TBC1D9: variants seen among roughly 807,000 people sequenced by gnomAD.
TBC1D9 encodes the protein TBC1 domain family member 9A.
Under a neutral mutation model 132.0 loss-of-function variants are expected in TBC1D9, and 63 were observed. The ratio of observed to expected loss-of-function variants is 0.48; its 90% CI spans 0.39 to 0.59. The LOEUF (loss-of-function observed/expected upper bound fraction) is 0.59, where lower values mean the gene tolerates loss of function less well. TBC1D9 is among the 20% of genes least tolerant of loss of function. The pLI is 0.00. For missense variants in TBC1D9, 1,261 were observed against 1,592.7 expected (o/e 0.79, Z 3.54); for synonymous variants, 610 against 609.9 (o/e 1.00, Z 0.00).
At chr4:140,653,174 C>T (rs563676174) in intron 13 of TBC1D9, among the ~76,000 whole-genome samples, 7 of 152,276 alleles carry the variant, frequency 4.6e-5, no homozygotes, top group Admixed American at 6.5e-5. Flanking sequence ...GTGAGATTTT[C>T]CCCAGGAGGT....
chr4:140,622,960 A>T (rs746348046), intron 20 of TBC1D9, 43 bp from the exon 21 acceptor site: 2 of 1,468,820 alleles, frequency 1.4e-6, no homozygotes, highest in Non-Finnish European at 9.0e-7. Context: ...ATCTTGGGGG[A>T]GCAGAAAGGC....
chr4:140,712,840 C>T (rs542547181), intron 1 of TBC1D9, among the ~76,000 whole-genome samples: 22 of 151,854 alleles, frequency 1.4e-4, no homozygotes, highest in Admixed American at 3.3e-4. Context: ...TGATTGTTTC[C>T]GGAACAAACT....
intron 1 of TBC1D9, among the ~76,000 whole-genome samples, chr4:140,752,489 T>C (rs1738941590): frequency 6.6e-6 from 1 of 152,158 alleles, no homozygotes; most frequent in South Asian, 2.1e-4. Context: ...GTGACAATGA[T>C]TGGCTGAGAA....
At chr4:140,681,353 A>G (rs1045596945) in intron 3 of TBC1D9, among the ~76,000 whole-genome samples, 1 of 152,136 alleles carries the variant, frequency 6.6e-6, no homozygotes, top group Non-Finnish European at 1.5e-5. Flanking sequence ...TTCTCTCTGC[A>G]TTATGTATTG....
chr4:140,664,807 C>T (rs1365669836), intron 9 of TBC1D9, among the ~76,000 whole-genome samples: 1 of 151,972 alleles, frequency 6.6e-6, no homozygotes, highest in Non-Finnish European at 1.5e-5. Context: ...CATCTCACAC[C>T]ACATAAAAAA....
intron 13 of TBC1D9, chr4:140,642,220 T>G: frequency 1.4e-6 from 1 of 732,796 alleles, no homozygotes; most frequent in Non-Finnish European, 2.5e-6. Context: ...CCACTCTCCT[T>G]CAGGAATTCT....
chr4:140,669,173 C>G (rs1397019055), intron 8 of TBC1D9, 106 bp from the exon 9 acceptor site: 3 of 1,149,426 alleles, frequency 2.6e-6, no homozygotes, highest in Non-Finnish European at 3.7e-6. Context: ...AGTGACAATT[C>G]CAGAAAGAAG....
At chr4:140,686,238 T>C (rs1737777218) in intron 3 of TBC1D9, 106 bp downstream of exon 3, 1 of 669,794 alleles carries the variant, frequency 1.5e-6, no homozygotes, top group East Asian at 2.8e-5. Flanking sequence ...ACAGGTGAAT[T>C]TGGGCAAAGG....
At chr4:140,664,039 C>CAAA (rs1560877849) in intron 9 of TBC1D9, among the ~76,000 whole-genome samples, 5 of 81,234 alleles carry the variant, frequency 6.2e-5, no homozygotes, top group Admixed American at 2.4e-4. Flanking sequence ...ACTCTCCCCA[C>CAAA]CAAAAAAAAA....
intron 10 of TBC1D9, among the ~76,000 whole-genome samples, chr4:140,660,953 C>T (rs942145791): frequency 1.3e-5 from 2 of 151,658 alleles, no homozygotes; most frequent in South Asian, 2.1e-4. Context: ...CTTGCTCTGT[C>T]GCCCAGGCTG....
chr4:140,641,090 C>CAAAAAAAAAAAAAAAAAAAAAA lies in TBC1D9; in HGVS notation c.2338-1663_2338-1662insTTTTTTTTTTTTTTTTTTTTTT, dbSNP rs35813378. Reference sequence around the variant, plus strand: ...TAAATCTTACAATCATAATACTAAGCAAAAAAAAAAAAAACAAAAAAAAAC... The same window carrying CAAAAAAAAAAAAAAAAAAAAAA: ...TAAATCTTACAATCATAATACTAAGCAAAAAAAAAAAAAAAAAAAAAAAAAAAAAAAAAAAACAAAAAAAAAC... On this transcript the variant is annotated intron_variant, in intron 13 of 20. Coordinates refer to ENST00000442267, the MANE Select transcript of TBC1D9 (RefSeq NM_015130.3). Among the ~76,000 whole-genome samples, 45 of 35,032 alleles carry CAAAAAAAAAAAAAAAAAAAAAA rather than the reference C, an allele frequency of 1.3e-3. 2 individuals are homozygous for CAAAAAAAAAAAAAAAAAAAAAA. The highest frequency in any genetic ancestry group is 1.6e-3 in the African/African-American group (12 of 7,630). The allele number at this position is 35,032 out of a possible 152,430, so 23.0% of individuals were successfully genotyped here.
intron 2 of TBC1D9, among the ~76,000 whole-genome samples, chr4:140,694,588 A>C (rs1396380651): frequency 6.7e-6 from 1 of 150,316 alleles, no homozygotes; most frequent in Admixed American, 6.6e-5. Flanking sequence ...AAAAAAAAAG[A>C]AAAAAGAAAA....
intron 13 of TBC1D9, chr4:140,642,826 G>T: frequency 6.7e-6 from 4 of 595,346 alleles, no homozygotes; most frequent in Non-Finnish European, 8.9e-6. Flanking sequence ...TCTTGCGGGC[G>T]GGCGACAGGG....
chr4:140,693,419 C>T (rs1737906344), intron 2 of TBC1D9, among the ~76,000 whole-genome samples: 2 of 152,218 alleles, frequency 1.3e-5, no homozygotes, highest in Admixed American at 6.5e-5. Flanking sequence ...CGAGAAAGTA[C>T]ACCTGGTTTC....
intron 1 of TBC1D9, among the ~76,000 whole-genome samples, chr4:140,736,353 C>T: frequency 6.6e-6 from 1 of 151,904 alleles, no homozygotes; most frequent in East Asian, 1.9e-4. Context: ...CCAGCCTGGC[C>T]AACATGGTGA....
At chr4:140,715,091 T>G (rs1738313282) in intron 1 of TBC1D9, among the ~76,000 whole-genome samples, 1 of 152,106 alleles carries the variant, frequency 6.6e-6, no homozygotes. Context: ...ACCACTGCAC[T>G]CCAACCTGGG....
At chr4:140,643,034 G>A in intron 13 of TBC1D9, 2 of 1,021,810 alleles carry the variant, frequency 2.0e-6, no homozygotes, top group East Asian at 5.2e-5. Context: ...AGGACTTCAT[G>A]GGGTACATCC....
At chr4:140,748,938 C>T (rs376717406) in intron 1 of TBC1D9, among the ~76,000 whole-genome samples, 1 of 152,118 alleles carries the variant, frequency 6.6e-6, no homozygotes, top group East Asian at 1.9e-4. Flanking sequence ...ACTGCATGTC[C>T]TTGGGTTGAA....
chr4:140,689,753 C>CT lies in TBC1D9; in HGVS notation c.242-3292dup, dbSNP rs796339181. ...CCCTTCCCTTCCCTTCCTCCCACCC[C>CT]TTTTTTTTTTTTGAGACAGAGTCAC... is the stretch of plus-strand genomic sequence containing the variant. On this transcript the variant is annotated intron_variant, in intron 2 of 20. Coordinates refer to ENST00000442267, the MANE Select transcript of TBC1D9 (RefSeq NM_015130.3). 6.6e-3 allele frequency among the ~76,000 whole-genome samples: 740 copies of CT among 111,828 alleles called. 26 individuals carry two copies. Among genetic ancestry groups the CT allele is most frequent in the African/African-American group, 0.024 (680 of 28,072 alleles). 73.4% of individuals were successfully genotyped at this position (111,828 alleles called of 152,430 possible).
Sources: allele counts gnomAD v4.1 joint callset (sites outside exome capture counted in the v4.1 genomes callset), GRCh38; gene constraint gnomAD v4.1.1; transcripts MANE v1.5; gene names NCBI Gene and HGNC (gene_info 2026-07-23, HGNC 2026-07-21).